Variants in SETD1B observed in about 807,000 individuals in gnomAD.
SETD1B encodes the protein histone-lysine N-methyltransferase SETD1B.
Under a neutral mutation model 148.0 loss-of-function variants are expected in SETD1B, and 7 were observed. That is an observed-to-expected ratio of 0.05 (90% CI 0.03 to 0.09). SETD1B has a LOEUF of 0.09. Ranked by LOEUF, SETD1B falls within the 10% of genes least tolerant of loss-of-function variation. SETD1B has a pLI of 1.00. For synonymous variants in SETD1B, 1,361 were observed against 1,186.5 expected (o/e 1.15, Z -3.02); for missense variants, 2,155 against 2,729.9 (o/e 0.79, Z 4.69).
chr12:121,828,800 G>A (rs1876961034), intron 16 of SETD1B, among the ~76,000 whole-genome samples: 1 of 152,226 alleles, frequency 6.6e-6, no homozygotes, highest in African/African-American at 2.4e-5. Context: ...GACAATAACA[G>A]TCTCTCCTTT....
rs1357560869 is a variant in SETD1B at position 121,814,945 on chromosome 12, G to A, written c.2715+15G>A. 2 of 1,515,474 alleles carry A rather than the reference G, an allele frequency of 1.3e-6. No individual in the cohort carries two copies. Among genetic ancestry groups the A allele is most frequent in the East Asian group, 2.5e-5 (1 of 40,320 alleles). 93.9% of individuals were successfully genotyped at this position (1,515,474 alleles called of 1,614,324 possible). A position where few individuals can be genotyped will look rare whatever the true frequency, so the allele number is the denominator to read the frequency against. ...GGATGGCCAAGGTGGGTGGGTGGGT[G>A]CAGGGCTCTGCAGGGTGGCTGTGGA... On this transcript the variant is annotated intron_variant, in intron 7 of 16. Coordinates refer to ENST00000604567, the MANE Select transcript of SETD1B (RefSeq NM_001353345.2).
At chr12:121,821,860 C>T (rs887916816) in intron 11 of SETD1B, among the ~76,000 whole-genome samples, 4 of 152,198 alleles carry the variant, frequency 2.6e-5, no homozygotes, top group African/African-American at 7.2e-5. Flanking sequence ...CCAAGGCTGG[C>T]GGATCACTTG....
chr12:121,797,398 G>A, the SETD1B span: 6 of 450,654 alleles, frequency 1.3e-5, no homozygotes, highest in East Asian at 2.1e-4. Flanking sequence ...TGGGCGGGGC[G>A]CCCTCGAGGG....
chr12:121,817,058 G>T lies in SETD1B; in HGVS notation c.2741G>T (p.Gly914Val). 1 of 1,534,894 alleles carries T rather than the reference G, an allele frequency of 6.5e-7. No individual in the cohort carries two copies. Residue 914 changes from glycine to valine, a missense_variant, in exon 8 of 17, where the codon GGC (glycine) becomes GTC (valine). Coordinates refer to ENST00000604567, the MANE Select transcript of SETD1B (RefSeq NM_001353345.2). This position sits in a 1 kb window ranked among gnomAD's most constrained non-coding sequence, Gnocchi z 8.1. ...AKASLTPVKSGEHKDEDRPKP... is the reference protein window; with the variant it reads ...AKASLTPVKSVEHKDEDRPKP... ...GCCTCGCTGACCCCGGTGAAGTCGG[G>T]CGAGCACAAGGACGAGGACAGGCCG...
At chr12:121,825,058 C>T (rs1592990618) in intron 12 of SETD1B, 142 bp from the exon 13 acceptor site, 1 of 790,690 alleles carries the variant, frequency 1.3e-6, no homozygotes, top group East Asian at 2.7e-5. Context: ...CAGCGGGCAG[C>T]CACGTGGAGG....
At position 121,830,569 on chromosome 12, in the gene SETD1B, A is replaced by G. The variant is rs2137595113; in HGVS notation, c.*330A>G. On this transcript the variant is annotated 3_prime_UTR_variant, in exon 17 of 17. Transcript: ENST00000604567. The surrounding 1 kb of genome is among the most constrained non-coding windows in gnomAD (Gnocchi z 5.7). ...TTCTCTGTCTCTTCTCTCTCCCACC[A>G]TCACCCTCGGCCTCTTCCTGTGAAT... 4.3e-6 allele frequency: 1 copy of G among 234,438 alleles called. No homozygotes were observed. 14.5% of individuals were successfully genotyped at this position (234,438 alleles called of 1,614,324 possible).
intron 11 of SETD1B, among the ~76,000 whole-genome samples, chr12:121,821,888 C>G (rs1273591949): frequency 6.6e-6 from 1 of 152,062 alleles, no homozygotes; most frequent in African/African-American, 2.4e-5. Context: ...GAGTTCAAGA[C>G]CAGCCTAGGC....
chr12:121,818,288 C>T (rs930219049), intron 10 of SETD1B, among the ~76,000 whole-genome samples: 1 of 152,160 alleles, frequency 6.6e-6, no homozygotes, highest in African/African-American at 2.4e-5. Flanking sequence ...GTTGGCCGGA[C>T]GCAGTGGCTT....
In SETD1B at chr12:121,823,415, G is replaced by T; in HGVS notation, c.4836G>T (p.Gln1612His). ...TGCCCTTTAAGGAGCTAGACAACCA[G>T]TGGCCCTCCGAGGCCATTCCTCCGG... ...TKLPFKELDN[Q>H]WPSEAIPPGP... Residue 1612 changes from glutamine (Q) to histidine (H), a missense_variant, in exon 12 of 17, where the codon CAG (glutamine) becomes CAT (histidine). By Grantham distance (24) the Gln-to-His change is conservative. Coordinates refer to ENST00000604567, the MANE Select transcript of SETD1B (RefSeq NM_001353345.2). 6.6e-7 allele frequency: 1 copy of T among 1,524,484 alleles called. No individual in the cohort carries two copies. The allele number at this position is 1,524,484 out of a possible 1,614,324, so 94.4% of individuals were successfully genotyped here. A position where few individuals can be genotyped will look rare whatever the true frequency, so the allele number is the denominator to read the frequency against.
rs796244395 is a variant in SETD1B, at chr12:121,822,509, G to C, written c.3930G>C (p.Glu1310Asp). 8 of 1,545,752 alleles carry C rather than the reference G, an allele frequency of 5.2e-6. No individual in the cohort carries two copies. The highest frequency in any genetic ancestry group is 7.0e-6 in the Non-Finnish European group (8 of 1,142,958). ...CTGCAGAACATGACCTGGAAGTGGA[G>C]CCGGAGCCCCCTATGATGCTCCCCT... ...ERAPEHDLEV[E>D]PEPPMMLPLP... is the part of the protein sequence containing the mutation. The change falls in exon 12 of 17, where the codon GAG becomes GAC. Residue 1310 changes from glutamate to aspartate, a missense_variant. Around this residue, in one of 11 missense-constraint regions of SETD1B, gnomAD observed 862 missense variants for 873.8 expected, o/e 0.99. Transcript: ENST00000604567.
At chr12:121,801,343 C>T (rs1266651309), upstream of SETD1B, 1 of 152,236 alleles carries the variant, frequency 6.6e-6, no homozygotes, top group Non-Finnish European at 1.5e-5. Context: ...CCATGGACCC[C>T]CGAGGGTCGC....
At chr12:121,812,515 T>C (rs1029536706) in intron 6 of SETD1B, among the ~76,000 whole-genome samples, 6 of 151,880 alleles carry the variant, frequency 4.0e-5, no homozygotes, top group African/African-American at 1.5e-4. Context: ...CTCAGCAAAT[T>C]CCTGCCGCTT....
At chr12:121,812,549 A>AGGGAGGGGCAGGGCC (rs1460659242) in intron 6 of SETD1B, among the ~76,000 whole-genome samples, 3 of 151,470 alleles carry the variant, frequency 2.0e-5, no homozygotes, top group African/African-American at 7.3e-5. Flanking sequence ...TGCTGGGCAG[A>AGGGAGGGGCAGGGCC]GGGAGGGGCA....
the SETD1B span, among the ~76,000 whole-genome samples, chr12:121,797,043 A>AG: frequency 6.6e-6 from 1 of 151,998 alleles, no homozygotes; most frequent in East Asian, 1.9e-4. Flanking sequence ...AAAAAAAAAA[A>AG]AAAAATTATT....
upstream of SETD1B, chr12:121,800,602 C>T (rs1407169720): frequency 6.6e-6 from 1 of 151,244 alleles, no homozygotes; most frequent in Admixed American, 6.6e-5. Flanking sequence ...GCGAGGCCTC[C>T]TGGTGCCCGC....
intron 16 of SETD1B, 67 bp from the exon 17 acceptor site, chr12:121,829,999 G>A (rs1877017317): frequency 2.1e-6 from 3 of 1,459,868 alleles, no homozygotes; most frequent in South Asian, 2.6e-5. Context: ...GTTGGGTTTG[G>A]GGGGTCTGCA....
rs533220968 is a variant in SETD1B at position 121,817,912 on chromosome 12, G to A, written c.3418+8G>A. 8 of 1,531,480 alleles carry A rather than the reference G, an allele frequency of 5.2e-6. No individual in the cohort carries two copies. The African/African-American group carries it at 9.7e-5, about 18-fold the overall frequency. 94.9% of individuals were successfully genotyped at this position (1,531,480 alleles called of 1,614,324 possible). On this transcript the variant is annotated splice_region_variant and intron_variant, in intron 10 of 16. Transcript: ENST00000604567. The surrounding 1 kb of genome is among the most constrained non-coding windows in gnomAD (Gnocchi z 8.1). ...AAGGGGACTCGGATGAAGGTGAGCA[G>A]GGAGGCCGTGGCTGCCTGGCCCTCC...
chr12:121,798,204 GTC>G, the SETD1B span, among the ~76,000 whole-genome samples: 32 of 152,362 alleles, frequency 2.1e-4, no homozygotes, highest in Non-Finnish European at 7.3e-5. Context: ...ACCTTGGGGA[GTC>G]ACTTCTCCCC....
In SETD1B at chr12:121,814,292, C is replaced by G. The variant is rs1193638836; in HGVS notation, c.2077C>G (p.Pro693Ala). ...ACCTGGCTTCCCCCCGCTGCCCCCCCCACCACCACCACCCCCACCGCAGCC... is the reference window on the plus strand; with the variant it reads ...ACCTGGCTTCCCCCCGCTGCCCCCCGCACCACCACCACCCCCACCGCAGCC... Reference protein sequence around the residue: ...PPPGFPPLPPPPPPPPPQPGF... With the variant: ...PPPGFPPLPPAPPPPPPQPGF... The change falls in exon 7 of 17, where the codon CCA becomes GCA. Residue 693 changes from proline to alanine, a missense_variant. Physicochemically the swap from Pro to Ala is conservative, Grantham distance 27. This residue lies in a region of SETD1B where 295 missense variants were observed against 303.8 expected (regional missense o/e 0.97). Transcript: ENST00000604567. 1 of 1,057,226 alleles carries G rather than the reference C, an allele frequency of 9.5e-7. No individual in the cohort carries two copies. The highest frequency in any genetic ancestry group is 2.5e-5 in the Admixed American group (1 of 39,368). The allele number at this position is 1,057,226 out of a possible 1,614,324, so 65.5% of individuals were successfully genotyped here. A position where few individuals can be genotyped will look rare whatever the true frequency, so the allele number is the denominator to read the frequency against.
Sources: gnomAD v4.1 joint callset for allele counts (sites outside exome capture counted in the v4.1 genomes callset) on GRCh38, gnomAD v4.1.1 for gene constraint, gnomAD v4.1.1 regional missense constraint, Gnocchi (gnomAD v3.1) non-coding constraint, MANE v1.5 for transcripts, NCBI Gene and HGNC (gene_info 2026-07-23, HGNC 2026-07-21) for gene names.